SLC2A5: variants seen among roughly 807,000 people sequenced by gnomAD.
The protein encoded by SLC2A5 is solute carrier family 2 member 5.
A neutral mutation model predicts 50.3 loss-of-function variants in SLC2A5; 56 were observed. The ratio of observed to expected loss-of-function variants is 1.11; its 90% CI spans 0.90 to 1.39. The LOEUF is 1.39. Among genes scored for constraint, SLC2A5 ranks in the 40% most tolerant of loss-of-function variants. The probability of loss-of-function intolerance (pLI) is 0.00; values close to 1 mark genes in which losing one functional copy is unlikely to be tolerated. For synonymous variants in SLC2A5, 269 were observed against 281.9 expected (o/e 0.95, Z 0.46); for missense variants, 566 against 650.1 (o/e 0.87, Z 1.41).
chr1:9,045,930 G>A (rs905681883), intron 4 of SLC2A5, among the ~76,000 whole-genome samples: 7 of 149,676 alleles, frequency 4.7e-5, no homozygotes, highest in South Asian at 2.1e-4. Flanking sequence ...AGGGAAAGCC[G>A]AGCACTAAGT....
At chr1:9,041,419 G>A (rs528684766) in intron 5 of SLC2A5, 4 of 1,174,660 alleles carry the variant, frequency 3.4e-6, no homozygotes, top group Admixed American at 3.9e-5. Flanking sequence ...TGCTGGGAGG[G>A]TCCTATGAAC....
At chr1:9,063,771 C>T (rs1288141379) in intron 1 of SLC2A5, among the ~76,000 whole-genome samples, 1 of 122,570 alleles carries the variant, frequency 8.2e-6, no homozygotes, top group Non-Finnish European at 1.6e-5. Context: ...TCTCGGCTCA[C>T]TGCAAGCTCC....
Position 9,040,071 on chromosome 1 carries a change from G to C in SLC2A5, c.690C>G (p.Ala230=), listed in dbSNP as rs752467828. Residue 230 remains alanine, a synonymous_variant, in exon 6 of 12, where the codon GCC becomes GCG. Transcript: ENST00000377424. This position sits in a 1 kb window ranked among gnomAD's most constrained non-coding sequence, Gnocchi z 4.3. ...CGCCAGAGCCCTCGTTACCTTTCTT[G>C]GCGGCCGCTTCGTCTTTCTTCTGAA... ...LLIQKKDEAA[A]KKALQTLRGW... is the part of the protein sequence containing the mutation. The C allele has an allele frequency of 6.3e-7, 1 of 1,587,342 alleles. No individual in the cohort carries two copies. The highest frequency in any genetic ancestry group is 1.1e-5 in the South Asian group (1 of 88,566).
chr1:9,091,434 C>T (rs1642461304), upstream of SLC2A5, among the ~76,000 whole-genome samples: 2 of 152,310 alleles, frequency 1.3e-5, no homozygotes, highest in African/African-American at 4.8e-5. Context: ...AATTTTTGGC[C>T]ACAGCTTCAA....
intron 1 of SLC2A5, among the ~76,000 whole-genome samples, chr1:9,059,912 G>T (rs1413585993): frequency 6.6e-6 from 1 of 151,690 alleles, no homozygotes; most frequent in South Asian, 2.1e-4. Flanking sequence ...TTGTCATGGG[G>T]CCCCAGATGG....
At chr1:9,076,650 T>A (rs1409774869) in intron 2 of SLC2A5, among the ~76,000 whole-genome samples, 1 of 152,090 alleles carries the variant, frequency 6.6e-6, no homozygotes, top group Non-Finnish European at 1.5e-5. Flanking sequence ...CATTTATTAA[T>A]CTAAAGGAAA....
intron 1 of SLC2A5, 112 bp from the exon 2 acceptor site, chr1:9,058,362 G>C: frequency 1.3e-6 from 1 of 758,344 alleles, no homozygotes; most frequent in South Asian, 1.6e-5. Context: ...ATAGTCTTGA[G>C]ACTACTCCAT....
In SLC2A5 at chr1:9,037,784, G is replaced by A. The variant is rs760822610; in HGVS notation, c.1308C>T (p.Gly436=). The part of the protein sequence containing the change: ...VGLIFPFIQE[G]LGPYSFIVFA... ...AGACAATGAAGCTGTACGGGCCGAGGCCCTCCTGCGGGAAGAGGGGCAGGT... is the reference window on the plus strand; with the variant it reads ...AGACAATGAAGCTGTACGGGCCGAGACCCTCCTGCGGGAAGAGGGGCAGGT... Residue 436 remains glycine, a synonymous_variant, in exon 12 of 12, where the codon GGC becomes GGT. Coordinates refer to ENST00000377424, the MANE Select transcript of SLC2A5 (RefSeq NM_003039.3). 6.2e-7 allele frequency: 1 copy of A among 1,614,146 alleles called. No individual in the cohort carries two copies. Among genetic ancestry groups the A allele is most frequent in the Non-Finnish European group, 8.5e-7 (1 of 1,180,030 alleles).
intron 3 of SLC2A5, among the ~76,000 whole-genome samples, chr1:9,051,811 A>G (rs1449085754): frequency 2.0e-5 from 3 of 152,226 alleles, no homozygotes; most frequent in African/African-American, 4.8e-5. Flanking sequence ...CTGAAAACGT[A>G]TATCTACACA....
At chr1:9,049,114 C>G in intron 3 of SLC2A5, 1 of 456,210 alleles carries the variant, frequency 2.2e-6, no homozygotes, top group Non-Finnish European at 4.4e-6. Context: ...GAGATCCTGA[C>G]AGAAGCAAAG....
At chr1:9,076,875 C>T (rs1249520874) in intron 2 of SLC2A5, among the ~76,000 whole-genome samples, 2 of 151,666 alleles carry the variant, frequency 1.3e-5, no homozygotes, top group African/African-American at 2.4e-5. Flanking sequence ...CTGCAACCTC[C>T]GTCTCCCGGG....
At chr1:9,066,253 G>C (rs1642079025) in intron 1 of SLC2A5, among the ~76,000 whole-genome samples, 1 of 151,594 alleles carries the variant, frequency 6.6e-6, no homozygotes, top group African/African-American at 2.4e-5. Flanking sequence ...TTTTGAGACA[G>C]AATCTCACTC....
intron 2 of SLC2A5, among the ~76,000 whole-genome samples, chr1:9,075,148 C>T (rs962502575): frequency 1.8e-4 from 28 of 152,142 alleles, no homozygotes; most frequent in Admixed American, 1.8e-3. Flanking sequence ...ATAAATCTGC[C>T]TCTCTTCATG....
chr1:9,046,600 A>C (rs188128333), intron 4 of SLC2A5, among the ~76,000 whole-genome samples: 122 of 152,004 alleles, frequency 8.0e-4, no homozygotes, highest in Non-Finnish European at 1.4e-3. Context: ...TTGTTTCTCA[A>C]GCTTTTTTGA....
the SLC2A5 span, among the ~76,000 whole-genome samples, chr1:9,093,994 G>A: frequency 2.6e-5 from 4 of 152,078 alleles, no homozygotes; most frequent in African/African-American, 7.2e-5. Context: ...AACACCTTAA[G>A]CCCCAAGGCC....
intron 2 of SLC2A5, among the ~76,000 whole-genome samples, chr1:9,078,143 A>G (rs190648647): frequency 5.4e-4 from 82 of 152,288 alleles, no homozygotes; most frequent in African/African-American, 1.9e-3. Flanking sequence ...TGAGGTTGCC[A>G]TGGCATTTGT....
chr1:9,092,851 G>C (rs1014101158), upstream of SLC2A5, among the ~76,000 whole-genome samples: 1 of 152,098 alleles, frequency 6.6e-6, no homozygotes, highest in African/African-American at 2.4e-5. Context: ...AGGAAAGGTT[G>C]AGAAAATGAA....
At chr1:9,057,016 G>T (rs537051760) in intron 3 of SLC2A5, among the ~76,000 whole-genome samples, 29 of 152,178 alleles carry the variant, frequency 1.9e-4, no homozygotes, top group Non-Finnish European at 3.4e-4. Context: ...GACCGGCCAG[G>T]CGCAGTGGCT....
intron 1 of SLC2A5, among the ~76,000 whole-genome samples, chr1:9,087,686 A>G (rs1234950061): frequency 6.6e-6 from 1 of 151,812 alleles, no homozygotes; most frequent in Non-Finnish European, 1.5e-5. Flanking sequence ...TTTTCAAGCG[A>G]TTTATGTGAG....
Sources: allele counts gnomAD v4.1 joint callset (sites outside exome capture counted in the v4.1 genomes callset), GRCh38; gene constraint gnomAD v4.1.1; non-coding constraint Gnocchi (gnomAD v3.1); transcripts MANE v1.5; gene names NCBI Gene and HGNC (gene_info 2026-07-23, HGNC 2026-07-21).